TMC2: variants seen among roughly 807,000 people sequenced by gnomAD.
TMC2 encodes transmembrane channel like 2.
A neutral mutation model predicts 105.9 loss-of-function variants in TMC2; 102 were observed. The ratio of observed to expected loss-of-function variants is 0.96; its 90% confidence interval spans 0.82 to 1.14. The LOEUF is 1.14. TMC2 is among the 50% of genes most tolerant of loss of function. The probability of loss-of-function intolerance (pLI) is 0.00; values close to 1 mark genes in which losing one functional copy is unlikely to be tolerated. For synonymous variants in TMC2, 402 were observed against 422.8 expected, an observed-to-expected ratio of 0.95 and a Z score of 0.60; for missense variants, 1,093 against 1,134.3, an observed-to-expected ratio of 0.96 and a Z score of 0.52.
intron 7 of TMC2, among the ~76,000 whole-genome samples, chr20:2,590,907 T>G (rs772059473): frequency 1.3e-5 from 2 of 152,088 alleles, no homozygotes; most frequent in Non-Finnish European, 2.9e-5. Context: ...TGCAATAAAT[T>G]TATAAAATAA....
chr20:2,559,512 G>A (rs2086010669), intron 3 of TMC2, among the ~76,000 whole-genome samples: 1 of 151,984 alleles, frequency 6.6e-6, no homozygotes, highest in South Asian at 2.1e-4. Context: ...TGCCTTATTC[G>A]TTGCTCATAT....
At chr20:2,564,324 G>A (rs2086049158) in intron 4 of TMC2, among the ~76,000 whole-genome samples, 1 of 151,978 alleles carries the variant, frequency 6.6e-6, no homozygotes, top group Non-Finnish European at 1.5e-5. Context: ...CTAATTTTCT[G>A]TATTTTTAGT....
At chr20:2,584,182 C>T (rs970992082) in intron 7 of TMC2, among the ~76,000 whole-genome samples, 11 of 152,020 alleles carry the variant, frequency 7.2e-5, no homozygotes, top group East Asian at 1.9e-4. Context: ...CGGTGGCTCA[C>T]GCCTGTAATC....
chr20:2,613,344 A>G (rs775784038), intron 14 of TMC2, 22 bp downstream of exon 14: 2 of 1,613,984 alleles, frequency 1.2e-6, no homozygotes, highest in Admixed American at 1.7e-5. Flanking sequence ...CTTCATGGAC[A>G]TTCCGCACAA....
chr20:2,581,686 G>T (rs1030598307), intron 7 of TMC2, among the ~76,000 whole-genome samples: 2 of 152,140 alleles, frequency 1.3e-5, no homozygotes, highest in African/African-American at 2.4e-5. Context: ...AATGCCACAG[G>T]CCTATGAGAC....
At chr20:2,613,442 TC>T in intron 14 of TMC2, 120 bp downstream of exon 14, 1 of 1,405,226 alleles carries the variant, frequency 7.1e-7, no homozygotes, top group Non-Finnish European at 1.0e-6. Flanking sequence ...CGGTCTCTGC[TC>T]TGTAGAGTAG....
At chr20:2,594,466 G>A (rs566747484) in intron 8 of TMC2, among the ~76,000 whole-genome samples, 1 of 152,196 alleles carries the variant, frequency 6.6e-6, no homozygotes, top group African/African-American at 2.4e-5. Context: ...GGCCTCAAGT[G>A]ATCTGCCTAC....
chr20:2,578,112 G>A (rs1256612720), intron 5 of TMC2, among the ~76,000 whole-genome samples: 1 of 152,142 alleles, frequency 6.6e-6, no homozygotes, highest in Non-Finnish European at 1.5e-5. Flanking sequence ...CTTGAGATCA[G>A]GAGTTCAAGG....
At chr20:2,639,730 C>T (rs2086674922) in intron 19 of TMC2, among the ~76,000 whole-genome samples, 1 of 152,138 alleles carries the variant, frequency 6.6e-6, no homozygotes, top group African/African-American at 2.4e-5. Context: ...AGGAAAGTAT[C>T]TTGGGGCTAT....
chr20:2,641,166 G>T lies in TMC2; in HGVS notation c.2536G>T (p.Ala846Ser). The change falls in exon 20 of 20, where the codon GCC becomes TCC. Residue 846 changes from alanine (A) to serine (S), a missense_variant. Coordinates refer to ENST00000358864, the MANE Select transcript of TMC2 (RefSeq NM_080751.3). ...TTPPSASQSQ[A>S]MDKKAQGPGT... ...TCCTCCCTCTGCCAGCCAAAGCCAGGCCATGGACAAGAAGGCGCAGGGCCC... is the reference window on the plus strand; with the variant it reads ...TCCTCCCTCTGCCAGCCAAAGCCAGTCCATGGACAAGAAGGCGCAGGGCCC... The T allele has an allele frequency of 1.2e-6, 2 of 1,614,052 alleles. No individual in the cohort carries two copies. Among genetic ancestry groups the T allele is most frequent in the Non-Finnish European group, 1.7e-6 (2 of 1,180,016 alleles).
intron 4 of TMC2, among the ~76,000 whole-genome samples, chr20:2,568,611 C>A (rs996029878): frequency 6.6e-6 from 1 of 152,178 alleles, no homozygotes; most frequent in Non-Finnish European, 1.5e-5. Context: ...CACATTTAAG[C>A]TCATAGAACT....
At chr20:2,630,140 T>C (rs1259898012) in intron 17 of TMC2, among the ~76,000 whole-genome samples, 1 of 152,174 alleles carries the variant, frequency 6.6e-6, no homozygotes, top group Non-Finnish European at 1.5e-5. Flanking sequence ...GGAATTAGGA[T>C]TGTAGAAGAC....
chr20:2,583,822 G>T (rs2086212241), intron 7 of TMC2, among the ~76,000 whole-genome samples: 1 of 152,142 alleles, frequency 6.6e-6, no homozygotes, highest in African/African-American at 2.4e-5. Flanking sequence ...GACCAAAGCA[G>T]AAATTTTGGT....
chr20:2,556,868 C>T (rs1319807417), intron 2 of TMC2, among the ~76,000 whole-genome samples: 1 of 147,434 alleles, frequency 6.8e-6, no homozygotes, highest in African/African-American at 2.5e-5. Context: ...GAATTCTGTC[C>T]TTTTTTTTTT....
At chr20:2,597,764 C>T (rs1422429368) in intron 10 of TMC2, among the ~76,000 whole-genome samples, 1 of 151,920 alleles carries the variant, frequency 6.6e-6, no homozygotes, top group African/African-American at 2.4e-5. Context: ...TCCCAAAGTG[C>T]TGGGATTACA....
At chr20:2,539,893 A>G (rs2085877257) in intron 2 of TMC2, among the ~76,000 whole-genome samples, 1 of 151,896 alleles carries the variant, frequency 6.6e-6, no homozygotes, top group Non-Finnish European at 1.5e-5. Flanking sequence ...TTGGGGCAGG[A>G]GTGGGCTAAG....
intron 2 of TMC2, among the ~76,000 whole-genome samples, chr20:2,551,224 G>A (rs527406686): frequency 2.6e-5 from 4 of 152,250 alleles, no homozygotes; most frequent in African/African-American, 9.6e-5. Context: ...ACCATGTTGA[G>A]CATCTTTTCA....
intron 2 of TMC2, among the ~76,000 whole-genome samples, chr20:2,554,785 G>A (rs1295969502): frequency 1.4e-5 from 2 of 147,216 alleles, no homozygotes; most frequent in African/African-American, 5.1e-5. Context: ...ATTCCATTAT[G>A]ATCTGAGAGA....
chr20:2,605,739 A>T (rs1434743700), intron 11 of TMC2, among the ~76,000 whole-genome samples: 1 of 152,176 alleles, frequency 6.6e-6, no homozygotes, highest in African/African-American at 2.4e-5. Flanking sequence ...AAATCTCCCT[A>T]AATAGACCTC....
Sources: allele counts gnomAD v4.1 joint callset (sites outside exome capture counted in the v4.1 genomes callset), GRCh38; gene constraint gnomAD v4.1.1; transcripts MANE v1.5; gene names NCBI Gene and HGNC (gene_info 2026-07-23, HGNC 2026-07-21).